The following GGCT variants were observed in gnomAD, a reference collection of about 807,000 sequenced individuals.
GGCT encodes cytochrome c-releasing factor 21.
In GGCT, 20 loss-of-function variants were observed where a neutral mutation model predicts 22.1. The ratio of observed to expected loss-of-function variants is 0.91; its 90% confidence interval spans 0.64 to 1.32. The LOEUF (loss-of-function observed/expected upper bound fraction) is 1.32. Among genes scored for constraint, GGCT ranks in the 40% most tolerant of loss-of-function variants. GGCT has a pLI of 0.00. For missense variants in GGCT, 209 were observed against 223.5 expected, an observed-to-expected ratio of 0.94 and a Z score of 0.41; for synonymous variants, 72 against 78.4, an observed-to-expected ratio of 0.92 and a Z score of 0.43.
chr7:30,501,354 C>T (rs1024608904), intron 1 of GGCT, among the ~76,000 whole-genome samples: 4 of 152,162 alleles, frequency 2.6e-5, no homozygotes, highest in African/African-American at 9.7e-5. Context: ...TCCCAACATT[C>T]TGGGAGGCCG....
intron 3 of GGCT, chr7:30,497,498 A>G (rs1789576123): frequency 2.7e-6 from 1 of 375,074 alleles, no homozygotes; most frequent in South Asian, 1.2e-4. Context: ...TTTAATATTA[A>G]GACAAACATA....
intron 1 of GGCT, among the ~76,000 whole-genome samples, chr7:30,501,577 A>G (rs1312760648): frequency 1.3e-5 from 2 of 152,218 alleles, no homozygotes; most frequent in African/African-American, 4.8e-5. Context: ...GTGGGCAATC[A>G]GGGGATAGAG....
chr7:30,500,084 G>A (rs896645082), intron 2 of GGCT, among the ~76,000 whole-genome samples: 6 of 152,154 alleles, frequency 3.9e-5, no homozygotes, highest in African/African-American at 1.4e-4. Flanking sequence ...GTCATAAAAA[G>A]TATCAAAGCA....
At position 30,498,314 on chromosome 7, in the gene GGCT, TA is replaced by T. The variant is rs1789608577; in HGVS notation, c.423+488del. 2.0e-5 allele frequency among the ~76,000 whole-genome samples: 3 copies of T among 152,130 alleles called. No individual in the cohort carries two copies. In the South Asian group the frequency reaches 6.2e-4, roughly 32 times the overall value. Reference sequence around the variant, plus strand: ...AACATAATTCTATCATTACACATAATATTTTTGAATCTGTACATTAGGTAAA... The same window carrying T: ...AACATAATTCTATCATTACACATAATTTTTTGAATCTGTACATTAGGTAAA... On this transcript the variant is annotated intron_variant, in intron 3 of 3. Transcript: ENST00000275428.
chr7:30,499,912 G>A (rs1789660579), intron 2 of GGCT, among the ~76,000 whole-genome samples: 2 of 151,644 alleles, frequency 1.3e-5, no homozygotes, highest in South Asian at 4.2e-4. Context: ...CTGACAGCAA[G>A]AGAATATCCA....
rs756511397 is a variant in GGCT at position 30,497,132 on chromosome 7, A to G, written c.527T>C (p.Ile176Thr). The change falls in exon 4 of 4, where the codon ATT becomes ACT. Residue 176 changes from isoleucine to threonine, a missense_variant. Coordinates refer to ENST00000275428, the MANE Select transcript of GGCT (RefSeq NM_024051.4). ...TTCCCCCTTTTTGATGATGTCTTCA[A>G]TTTCTTCTGAGACCTTTCCTGTATA... ...NDYTGKVSEEIEDIIKKGETQ... is the reference protein window; with the variant it reads ...NDYTGKVSEETEDIIKKGETQ... The G allele has an allele frequency of 1.2e-6, 2 of 1,608,092 alleles. No individual in the cohort carries two copies. The highest frequency in any genetic ancestry group is 1.1e-5 in the South Asian group (1 of 90,766).
chr7:30,504,663 C>A lies in GGCT; in HGVS notation c.47G>T (p.Ser16Ile), dbSNP rs765411298. 1.4e-5 allele frequency: 22 copies of A among 1,614,010 alleles called. No homozygotes were observed. Among genetic ancestry groups the A allele is most frequent in the Non-Finnish European group, 1.9e-5 (22 of 1,179,974 alleles). The change falls in exon 1 of 4, where the codon AGT becomes ATT. Residue 16 changes from serine to isoleucine, a missense_variant. Coordinates refer to ENST00000275428, the MANE Select transcript of GGCT (RefSeq NM_024051.4). ...GCTGCCGTAGGCAAAGTACAGAAAA[C>A]TCTCCTCATCTGGACCCGTGACGTC... ...CKDVTGPDEE[S>I]FLYFAYGSNL... is the part of the protein sequence containing the mutation.
chr7:30,499,139 C>T (rs547418032), intron 2 of GGCT: 7 of 571,260 alleles, frequency 1.2e-5, no homozygotes, highest in Admixed American at 2.6e-5. Flanking sequence ...AGGCTGGGTA[C>T]GGTGGCTCAC....
Position 30,504,807 on chromosome 7 carries a change from C to G in GGCT, c.-98G>C, listed in dbSNP as rs1583955198. On this transcript the variant is annotated 5_prime_UTR_variant, in exon 1 of 4. Transcript: ENST00000275428. Reference sequence around the variant, plus strand: ...CACTACCCCGGCGCAGTGACCGCCGCGCGGCAGCCTCAGGGTTAGGGGACT... The same window carrying G: ...CACTACCCCGGCGCAGTGACCGCCGGGCGGCAGCCTCAGGGTTAGGGGACT... 1.6e-6 allele frequency: 2 copies of G among 1,255,676 alleles called. No homozygotes were observed. Among genetic ancestry groups the G allele is most frequent in the Non-Finnish European group, 1.1e-6 (1 of 871,184 alleles). The allele number at this position is 1,255,676 out of a possible 1,614,324, so 77.8% of individuals were successfully genotyped here.
chr7:30,504,536 C>T (rs931362243), intron 1 of GGCT, 33 bp downstream of exon 1: 12 of 1,611,494 alleles, frequency 7.4e-6, no homozygotes, highest in Non-Finnish European at 9.3e-6. Context: ...GCATCCCGGC[C>T]CCGGCGTGGG....
chr7:30,500,523 A>G lies in GGCT; in HGVS notation c.287+13T>C, dbSNP rs1382752628. The G allele has an allele frequency of 1.2e-6, 2 of 1,602,774 alleles. No individual in the cohort carries two copies. Among genetic ancestry groups the G allele is most frequent in the Non-Finnish European group, 1.7e-6 (2 of 1,170,456 alleles). On this transcript the variant is annotated intron_variant, in intron 2 of 3. Transcript: ENST00000275428. ...ATTAATTACTGTTTAACTTATAATTAGAAGCCACCTACTCATCCAGAGAAT... is the reference window on the plus strand; with the variant it reads ...ATTAATTACTGTTTAACTTATAATTGGAAGCCACCTACTCATCCAGAGAAT...
chr7:30,499,029 A>G, intron 2 of GGCT, 91 bp from the exon 3 acceptor site: 6 of 1,113,872 alleles, frequency 5.4e-6, no homozygotes. Context: ...AAGATGGTGT[A>G]TGGGATTAAA....
intron 2 of GGCT, 27 bp downstream of exon 2, chr7:30,500,509 T>C (rs1165120585): frequency 1.9e-6 from 3 of 1,585,270 alleles, no homozygotes; most frequent in Non-Finnish European, 2.6e-6. Flanking sequence ...TTAATTACTG[T>C]TTAACTTATA....
In GGCT at chr7:30,498,858, C is replaced by T. The variant is rs371796444; in HGVS notation, c.368G>A (p.Arg123Gln). The T allele has an allele frequency of 9.9e-6, 16 of 1,612,366 alleles. No individual in the cohort carries two copies. The highest frequency in any genetic ancestry group is 5.3e-5 in the African/African-American group (4 of 74,902). The change falls in exon 3 of 4, where the codon CGA becomes CAA. Residue 123 changes from arginine (R) to glutamine (Q), a missense_variant. Physicochemically the swap from Arg to Gln is conservative, Grantham distance 43. Coordinates refer to ENST00000275428, the MANE Select transcript of GGCT (RefSeq NM_024051.4). The stretch of plus-strand genomic sequence containing the variant: ...TTCGTAATTTGTCATCAGATAACTT[C>T]GACAGGTTATTTCTTTTCCTTCTTG... ...ATQEGKEITC[R>Q]SYLMTNYESA...
chr7:30,497,188 T>C lies in GGCT; in HGVS notation c.471A>G (p.Gln157=), dbSNP rs370830494. The C allele has an allele frequency of 1.9e-6, 3 of 1,611,994 alleles. No homozygotes were observed. The highest frequency in any genetic ancestry group is 2.5e-6 in the Non-Finnish European group (3 of 1,178,700). Residue 157 remains glutamine (Q), a synonymous_variant, in exon 4 of 4, where the codon CAA becomes CAG. Coordinates refer to ENST00000275428, the MANE Select transcript of GGCT (RefSeq NM_024051.4). ...TTGGTTCTATTGCTTTTAACTTCTC[T>C]TGATACTCCAGCGGCAAACCATTTT... is the stretch of plus-strand genomic sequence containing the variant. The part of the protein sequence containing the change: ...AKENGLPLEY[Q]EKLKAIEPND...
rs1173527992 is a variant in GGCT, at chr7:30,498,803, C to T, written c.423G>A (p.Lys141=). 2 of 1,611,262 alleles carry T rather than the reference C, an allele frequency of 1.2e-6. No homozygotes were observed. Among genetic ancestry groups the T allele is most frequent in the Non-Finnish European group, 8.5e-7 (1 of 1,177,688 alleles). Residue 141 remains lysine, a splice_region_variant and synonymous_variant, in exon 3 of 4, where the codon AAG becomes AAA. Transcript: ENST00000275428. ...ESAPPSPQYK[K]IICMGAKENG... ...CACCACCAGTCTGTAAATAGCTTACCTTTTTATACTGTGGGGATGGGGGAG... is the reference window on the plus strand; with the variant it reads ...CACCACCAGTCTGTAAATAGCTTACTTTTTTATACTGTGGGGATGGGGGAG...
chr7:30,503,781 C>CTTTTTTT (rs58105855), intron 1 of GGCT, among the ~76,000 whole-genome samples: 3 of 68,560 alleles, frequency 4.4e-5, no homozygotes, highest in Non-Finnish European at 7.5e-5. Context: ...TCAACACATT[C>CTTTTTTT]TTTTTTTTTT....
At chr7:30,497,267 A>G in intron 3 of GGCT, 32 bp from the exon 4 acceptor site, 2 of 1,554,742 alleles carry the variant, frequency 1.3e-6, no homozygotes, top group Non-Finnish European at 1.7e-6. Context: ...AGACAAAAAA[A>G]CCCTTTCAGT....
rs761238432 is a variant in GGCT, at chr7:30,504,648, G to A, written c.62C>T (p.Ala21Val). 1.2e-6 allele frequency: 2 copies of A among 1,614,106 alleles called. No individual in the cohort carries two copies. The highest frequency in any genetic ancestry group is 1.1e-5 in the South Asian group (1 of 91,086). The change falls in exon 1 of 4, where the codon GCC becomes GTC. Residue 21 changes from alanine (A) to valine (V), a missense_variant. Physicochemically the swap from Ala to Val is moderately conservative, Grantham distance 64. Coordinates refer to ENST00000275428, the MANE Select transcript of GGCT (RefSeq NM_024051.4). The stretch of plus-strand genomic sequence containing the variant: ...CTCTGTCAGCAGGTTGCTGCCGTAG[G>A]CAAAGTACAGAAAACTCTCCTCATC... ...GPDEESFLYF[A>V]YGSNLLTERI...
Sources: gnomAD v4.1 joint callset for allele counts (sites outside exome capture counted in the v4.1 genomes callset) on GRCh38, gnomAD v4.1.1 for gene constraint, MANE v1.5 for transcripts, NCBI Gene and HGNC (gene_info 2026-07-23, HGNC 2026-07-21) for gene names.